Variants in ERC1 observed in about 807,000 individuals in gnomAD.
ERC1 encodes ELKS/RAB6-interacting/CAST family member 1.
ERC1 carries 56 observed loss-of-function variants against 132.0 expected under a neutral mutation model. The ratio of observed to expected loss-of-function variants is 0.42; its 90% confidence interval spans 0.34 to 0.53. The LOEUF (loss-of-function observed/expected upper bound fraction) is 0.53. ERC1 is among the 20% of genes least tolerant of loss of function. The pLI, the probability that ERC1 is intolerant of heterozygous loss-of-function variation, is 0.03. For synonymous variants in ERC1, 478 were observed against 476.1 expected (o/e 1.00, Z -0.05); for missense variants, 1,202 against 1,349.9 (o/e 0.89, Z 1.72).
At chr12:1,241,272 G>A (rs1034953281) in intron 13 of ERC1, among the ~76,000 whole-genome samples, 11 of 151,978 alleles carry the variant, frequency 7.2e-5, no homozygotes, top group African/African-American at 1.9e-4. Context: ...GACACTGTCC[G>A]TTTTTCACAT....
chr12:1,064,290 A>G (rs112545769), intron 2 of ERC1, among the ~76,000 whole-genome samples: 13 of 152,042 alleles, frequency 8.6e-5, no homozygotes, highest in African/African-American at 3.1e-4. Flanking sequence ...CACAGGCACA[A>G]TCATGTCTCA....
At chr12:1,001,853 CTTTTTTTTT>C (rs869097939) in intron 1 of ERC1, among the ~76,000 whole-genome samples, 4 of 109,158 alleles carry the variant, frequency 3.7e-5, no homozygotes, top group Non-Finnish European at 5.5e-5. Flanking sequence ...CTTGTAAAGT[CTTTTTTTTT>C]TTTTTTTTTT....
chr12:1,258,277 A>T (rs2076935679), intron 13 of ERC1, among the ~76,000 whole-genome samples: 1 of 152,216 alleles, frequency 6.6e-6, no homozygotes, highest in African/African-American at 2.4e-5. Flanking sequence ...TAGTATATGT[A>T]GATTTCTTCA....
At chr12:1,311,960 T>C (rs2081339872) in intron 15 of ERC1, among the ~76,000 whole-genome samples, 1 of 152,248 alleles carries the variant, frequency 6.6e-6, no homozygotes, top group Non-Finnish European at 1.5e-5. Flanking sequence ...TTATTTCTTA[T>C]GCTACCCAAT....
chr12:1,336,323 T>A (rs1187657526), intron 15 of ERC1, among the ~76,000 whole-genome samples: 1 of 152,138 alleles, frequency 6.6e-6, no homozygotes, highest in Non-Finnish European at 1.5e-5. Flanking sequence ...GTTCTCTAGT[T>A]CTTTTAGTTG....
At chr12:1,446,975 G>T (rs1424844903) in intron 18 of ERC1, among the ~76,000 whole-genome samples, 1 of 148,804 alleles carries the variant, frequency 6.7e-6, no homozygotes, top group Non-Finnish European at 1.5e-5. Context: ...AGCTATGATT[G>T]TGCCACTGTG....
chr12:1,058,138 C>T (rs1239387853), intron 2 of ERC1, among the ~76,000 whole-genome samples: 4 of 152,056 alleles, frequency 2.6e-5, no homozygotes, highest in Non-Finnish European at 5.9e-5. Flanking sequence ...TGCAGATTGT[C>T]TCTTCACTCT....
intron 12 of ERC1, among the ~76,000 whole-genome samples, chr12:1,216,211 CG>C (rs1186748622): frequency 3.3e-5 from 5 of 151,956 alleles, no homozygotes; most frequent in African/African-American, 1.2e-4. Flanking sequence ...GATATTTTAG[CG>C]ATTAATAGTA....
At chr12:1,478,966 C>T (rs1283931564) in intron 18 of ERC1, among the ~76,000 whole-genome samples, 2 of 152,150 alleles carry the variant, frequency 1.3e-5, no homozygotes, top group African/African-American at 4.8e-5. Flanking sequence ...TTACCCTTCA[C>T]ATTTATATAT....
intron 12 of ERC1, among the ~76,000 whole-genome samples, chr12:1,233,593 G>T (rs1247873863): frequency 2.0e-5 from 3 of 150,480 alleles, no homozygotes; most frequent in African/African-American, 7.3e-5. Context: ...AATGAAAATT[G>T]AATATATTCA....
At chr12:1,383,565 C>T (rs571942100) in intron 16 of ERC1, among the ~76,000 whole-genome samples, 3 of 152,170 alleles carry the variant, frequency 2.0e-5, no homozygotes, top group Admixed American at 6.5e-5. Context: ...ACCTGGGAGG[C>T]GGAGGTTGCA....
intron 15 of ERC1, among the ~76,000 whole-genome samples, chr12:1,321,524 G>A (rs1276377973): frequency 2.0e-5 from 3 of 152,134 alleles, no homozygotes; most frequent in African/African-American, 7.2e-5. Context: ...TTACTTCTGA[G>A]TATAATTTAA....
chr12:1,066,133 A>G (rs997239377), intron 2 of ERC1, among the ~76,000 whole-genome samples: 5 of 152,218 alleles, frequency 3.3e-5, no homozygotes, highest in African/African-American at 1.2e-4. Flanking sequence ...ATGTTACTGA[A>G]TTGTTCACTT....
intron 2 of ERC1, among the ~76,000 whole-genome samples, chr12:1,071,534 C>T (rs762064812): frequency 1.7e-4 from 25 of 145,648 alleles, no homozygotes; most frequent in East Asian, 1.9e-4. Flanking sequence ...AAGTCTTCTA[C>T]CCACTTTTAA....
intron 8 of ERC1, among the ~76,000 whole-genome samples, chr12:1,154,352 T>TACAC (rs1491512546): frequency 2.1e-5 from 1 of 48,470 alleles, no homozygotes; most frequent in Non-Finnish European, 4.3e-5. Flanking sequence ...CATGTGTGTT[T>TACAC]ATACACACAC....
intron 16 of ERC1, among the ~76,000 whole-genome samples, chr12:1,398,871 G>C (rs1024506109): frequency 1.5e-5 from 2 of 136,332 alleles, no homozygotes; most frequent in African/African-American, 5.5e-5. Context: ...ATTTGTTTAT[G>C]TAATGAGTTC....
chr12:1,100,657 A>G (rs1403158633), intron 3 of ERC1, among the ~76,000 whole-genome samples: 1 of 152,200 alleles, frequency 6.6e-6, no homozygotes, highest in East Asian at 1.9e-4. Flanking sequence ...GGCTTGAACA[A>G]CTGGCTGGAT....
At chr12:1,263,960 G>T (rs1189781600) in intron 14 of ERC1, among the ~76,000 whole-genome samples, 1 of 151,598 alleles carries the variant, frequency 6.6e-6, no homozygotes. Context: ...AAAGTGCTGG[G>T]ATTACAGGCG....
intron 16 of ERC1, among the ~76,000 whole-genome samples, chr12:1,388,308 C>T (rs1286108018): frequency 6.7e-6 from 1 of 148,214 alleles, no homozygotes; most frequent in African/African-American, 2.5e-5. Context: ...TGAGATTGCG[C>T]CACCGCACTC....
Sources: gnomAD v4.1 joint callset for allele counts (sites outside exome capture counted in the v4.1 genomes callset) on GRCh38, gnomAD v4.1.1 for gene constraint, MANE v1.5 for transcripts, NCBI Gene and HGNC (gene_info 2026-07-23, HGNC 2026-07-21) for gene names.